SMG5: variants seen among roughly 807,000 people sequenced by gnomAD.
The protein encoded by SMG5 is SMG5 nonsense mediated mRNA decay factor.
SMG5 carries 53 observed loss-of-function variants against 122.9 expected under a neutral mutation model. That is an observed-to-expected ratio of 0.43 (90% confidence interval 0.35 to 0.54). The LOEUF (loss-of-function observed/expected upper bound fraction) is 0.54, where lower values mean the gene tolerates loss of function less well. Ranked by LOEUF, SMG5 falls within the 20% of genes least tolerant of loss-of-function variation. The probability of loss-of-function intolerance (pLI) is 0.01; values close to 1 mark genes in which losing one functional copy is unlikely to be tolerated. For synonymous variants in SMG5, 477 were observed against 490.2 expected (o/e 0.97, Z 0.35); for missense variants, 1,153 against 1,285.6 (o/e 0.90, Z 1.58).
intron 1 of SMG5, 101 bp from the exon 2 acceptor site, chr1:156,279,135 T>C (rs1662819931): frequency 9.8e-7 from 1 of 1,018,646 alleles, no homozygotes; most frequent in East Asian, 2.5e-5. Context: ...GAATTAGCGG[T>C]GAGGGAAAAA....
chr1:156,279,104 G>T, intron 1 of SMG5, 70 bp from the exon 2 acceptor site: 3 of 1,291,632 alleles, frequency 2.3e-6, no homozygotes, highest in Non-Finnish European at 3.4e-6. Context: ...GCTGGGACAC[G>T]ATTCTAGAGG....
chr1:156,263,702 T>C, intron 12 of SMG5, 132 bp from the exon 13 acceptor site: 1 of 948,096 alleles, frequency 1.1e-6, no homozygotes, highest in Non-Finnish European at 1.5e-6. Context: ...ATATGAAAAA[T>C]CTGGGGAACC....
At position 156,250,507 on chromosome 1, in the gene SMG5, A is replaced by G. The variant is rs556193829; in HGVS notation, c.*80T>C. 3.3e-6 allele frequency: 4 copies of G among 1,229,062 alleles called. No individual in the cohort carries two copies. The highest frequency in any genetic ancestry group is 1.7e-5 in the Admixed American group (1 of 58,966). 76.1% of individuals were successfully genotyped at this position (1,229,062 alleles called of 1,614,324 possible). A position where few individuals can be genotyped will look rare whatever the true frequency, so the allele number is the denominator to read the frequency against. ...GCATGAGTCTGCGTGTGGTGGGGTG[A>G]CTACAGGTGCTGGTCCTGGCTGCCA... On this transcript the variant is annotated 3_prime_UTR_variant, in exon 22 of 22. Coordinates refer to ENST00000361813, the MANE Select transcript of SMG5 (RefSeq NM_015327.3).
chr1:156,282,667 G>A lies in SMG5; in HGVS notation c.14C>T (p.Pro5Leu). Reference sequence around the variant, plus strand: ...GGGCTCGCTGCTCTCCCCTGTGGGGGGGCCTTGGCTCATGGTGCCCGGGTC... The same window carrying A: ...GGGCTCGCTGCTCTCCCCTGTGGGGAGGCCTTGGCTCATGGTGCCCGGGTC... MSQGPPTGESSEPEA... is the reference protein window; with the variant it reads MSQGLPTGESSEPEA... Residue 5 changes from proline (P) to leucine (L), a missense_variant, in exon 1 of 22, where the codon CCC becomes CTC. Around this residue, in one of 5 missense-constraint regions of SMG5, gnomAD observed 213 missense variants for 197.5 expected, o/e 1.08. Transcript: ENST00000361813. The A allele has an allele frequency of 2.5e-6, 4 of 1,605,468 alleles. No homozygotes were observed. In the South Asian group the frequency reaches 3.3e-5, roughly 13 times the overall value.
Position 156,250,340 on chromosome 1 carries a change from C to T in SMG5, c.*247G>A. The stretch of plus-strand genomic sequence containing the variant: ...AGGGGAGCTGAGGCAGGAAGGCTGG[C>T]CAGGGGCCCACAAGACTCTCCTAAT... On this transcript the variant is annotated 3_prime_UTR_variant, in exon 22 of 22. Coordinates refer to ENST00000361813, the MANE Select transcript of SMG5 (RefSeq NM_015327.3). 1 of 507,370 alleles carries T rather than the reference C, an allele frequency of 2.0e-6. No homozygotes were observed. The highest frequency in any genetic ancestry group is 3.6e-6 in the Non-Finnish European group (1 of 280,876). The allele number at this position is 507,370 out of a possible 1,614,324, so 31.4% of individuals were successfully genotyped here.
the SMG5 span, among the ~76,000 whole-genome samples, chr1:156,288,796 C>T: frequency 6.6e-6 from 1 of 152,172 alleles, no homozygotes. Context: ...CATTTTCTCC[C>T]AATAGGTTTT....
intron 9 of SMG5, 85 bp from the exon 10 acceptor site, chr1:156,267,763 G>A: frequency 1.6e-6 from 2 of 1,236,454 alleles, no homozygotes; most frequent in South Asian, 1.4e-5. Context: ...TCAGAGAAAG[G>A]ACTATGGGAT....
rs1661861378 is a variant in SMG5, at chr1:156,261,953, T to C, written c.2032-545A>G. 2.0e-5 allele frequency among the ~76,000 whole-genome samples: 3 copies of C among 149,324 alleles called. No homozygotes were observed. The South Asian group carries it at 6.4e-4, about 32-fold the overall frequency. ...GGCATGCGCTTGTAGCCCCAGCTACTGGGGAGGCTCAGTTGGGAGGATTGC... is the reference window on the plus strand; with the variant it reads ...GGCATGCGCTTGTAGCCCCAGCTACCGGGGAGGCTCAGTTGGGAGGATTGC... On this transcript the variant is annotated intron_variant, in intron 13 of 21. Coordinates refer to ENST00000361813, the MANE Select transcript of SMG5 (RefSeq NM_015327.3).
At chr1:156,251,062 A>T in intron 20 of SMG5, 66 bp from the exon 21 acceptor site, 2 of 1,580,806 alleles carry the variant, frequency 1.3e-6, no homozygotes, top group Non-Finnish European at 1.7e-6. Flanking sequence ...AAACACCAGG[A>T]TCTCCAGGGG....
chr1:156,286,481 G>A, upstream of SMG5: 2 of 1,613,860 alleles, frequency 1.2e-6, no homozygotes, highest in Non-Finnish European at 1.7e-6. Flanking sequence ...CCGGTAAGTT[G>A]GGGCAGAGGG....
At chr1:156,265,238 A>G (rs899993408) in intron 12 of SMG5, among the ~76,000 whole-genome samples, 5 of 142,290 alleles carry the variant, frequency 3.5e-5, no homozygotes, top group African/African-American at 1.3e-4. Flanking sequence ...AAAAAAAAAA[A>G]ACTTTGGAAG....
chr1:156,267,359 G>C (rs1352374896), intron 10 of SMG5, 111 bp downstream of exon 10: 4 of 1,078,078 alleles, frequency 3.7e-6, no homozygotes, highest in East Asian at 2.5e-5. Flanking sequence ...AGTGACACAG[G>C]AGTGAAGAGG....
intron 19 of SMG5, 132 bp from the exon 20 acceptor site, chr1:156,251,609 C>G: frequency 1.2e-6 from 1 of 841,344 alleles, no homozygotes; most frequent in South Asian, 1.4e-5. Context: ...CCCACCACAG[C>G]TCTGGAGCCA....
chr1:156,283,053 T>C (rs918455933), upstream of SMG5: 1 of 443,140 alleles, frequency 2.3e-6, no homozygotes, highest in Admixed American at 4.0e-5. Context: ...AAAGCTTAAC[T>C]GGATCAGGGC....
At chr1:156,256,141 A>G (rs1661566990) in intron 16 of SMG5, among the ~76,000 whole-genome samples, 1 of 152,140 alleles carries the variant, frequency 6.6e-6, no homozygotes, top group African/African-American at 2.4e-5. Flanking sequence ...GACTAGGGAA[A>G]GAGGAATAAC....
chr1:156,271,566 GT>G (rs755111375), intron 7 of SMG5, among the ~76,000 whole-genome samples: 1,352 of 82,174 alleles, frequency 0.016, 7 homozygotes, highest in African/African-American at 0.045. Context: ...CCCTGAAGAG[GT>G]TTTTTTTTTT....
upstream of SMG5, among the ~76,000 whole-genome samples, chr1:156,286,989 G>A (rs1280493247): frequency 6.6e-6 from 1 of 152,036 alleles, no homozygotes; most frequent in Non-Finnish European, 1.5e-5. Flanking sequence ...TGGGCATGGT[G>A]GTGCACACCT....
At chr1:156,262,768 G>A (rs1661913241) in intron 13 of SMG5, among the ~76,000 whole-genome samples, 1 of 152,220 alleles carries the variant, frequency 6.6e-6, no homozygotes, top group Admixed American at 6.5e-5. Flanking sequence ...CGTCTCATCT[G>A]GGGACTGGGG....
At chr1:156,291,352 G>C in the SMG5 span, 2 of 1,602,454 alleles carry the variant, frequency 1.2e-6, no homozygotes, top group Non-Finnish European at 1.7e-6. Flanking sequence ...CGCTTCCCTC[G>C]AGAGTAGCCT....
Sources: gnomAD v4.1 joint callset for allele counts (sites outside exome capture counted in the v4.1 genomes callset) on GRCh38, gnomAD v4.1.1 for gene constraint, gnomAD v4.1.1 regional missense constraint, MANE v1.5 for transcripts, NCBI Gene and HGNC (gene_info 2026-07-23, HGNC 2026-07-21) for gene names.